SH2D4A: variants seen among roughly 807,000 people sequenced by gnomAD.
The protein encoded by SH2D4A is SH2 domain containing 4A.
A neutral mutation model predicts 64.7 loss-of-function variants in SH2D4A; 70 were observed. The ratio of observed to expected loss-of-function variants is 1.08; its 90% CI spans 0.89 to 1.32. The LOEUF (loss-of-function observed/expected upper bound fraction) is 1.32, where lower values mean the gene tolerates loss of function less well. Ranked by LOEUF, SH2D4A falls within the 40% of genes most tolerant of loss-of-function variation. The pLI is 0.00. For synonymous variants in SH2D4A, 268 were observed against 200.7 expected (o/e 1.34, Z -2.83); for missense variants, 706 against 540.1 (o/e 1.31, Z -3.04).
In SH2D4A at chr8:19,357,274, A is replaced by G. The variant is rs766214482; in HGVS notation, c.585A>G (p.Ala195=). 3 of 1,612,860 alleles carry G rather than the reference A, an allele frequency of 1.9e-6. No homozygotes were observed. The highest frequency in any genetic ancestry group is 2.2e-5 in the South Asian group (2 of 91,042). ...ADSINRMKAY[A]FHQKKESMKK... ...CAATCAATCGTATGAAGGCATATGC[A>G]TTTCACCAGGTAAAAGACTTCCCTT... The change falls in exon 5 of 10, where the codon GCA becomes GCG. Residue 195 remains alanine (A), a synonymous_variant. Coordinates refer to ENST00000265807, the MANE Select transcript of SH2D4A (RefSeq NM_022071.4).
At chr8:19,334,306 A>G (rs746165880) in intron 3 of SH2D4A, among the ~76,000 whole-genome samples, 16 of 152,180 alleles carry the variant, frequency 1.1e-4, no homozygotes, top group Non-Finnish European at 1.0e-4. Context: ...AAAACTATCC[A>G]TGGACATATG....
intron 3 of SH2D4A, among the ~76,000 whole-genome samples, chr8:19,333,352 C>T (rs947464544): frequency 4.6e-5 from 7 of 152,174 alleles, no homozygotes; most frequent in Non-Finnish European, 8.8e-5. Context: ...CACTAAAGAC[C>T]TCATGAAAAT....
At chr8:19,389,601 C>G (rs2053452146) in intron 8 of SH2D4A, among the ~76,000 whole-genome samples, 1 of 152,166 alleles carries the variant, frequency 6.6e-6, no homozygotes, top group African/African-American at 2.4e-5. Context: ...GCAGTGACAT[C>G]TACTTTCTTG....
intron 8 of SH2D4A, among the ~76,000 whole-genome samples, chr8:19,384,030 TAAGTTC>T (rs1257654688): frequency 6.6e-6 from 1 of 152,254 alleles, no homozygotes. Flanking sequence ...TTGTGCAGTT[TAAGTTC>T]ATCTCTCCTG....
At chr8:19,321,428 G>T (rs58342073) in intron 2 of SH2D4A, among the ~76,000 whole-genome samples, 20,487 of 152,136 alleles carry the variant, frequency 0.13, 1,576 homozygotes, top group East Asian at 0.26. Context: ...TGGCCAGGCT[G>T]GTCTTGAACC....
chr8:19,313,935 A>T, intron 1 of SH2D4A, 112 bp downstream of exon 1: 2 of 1,283,062 alleles, frequency 1.6e-6, no homozygotes, highest in Non-Finnish European at 9.8e-7. Flanking sequence ...CAGGGGCCAG[A>T]GCGGGCGGGC....
chr8:19,367,827 G>A (rs2053024978), intron 7 of SH2D4A, among the ~76,000 whole-genome samples: 1 of 152,114 alleles, frequency 6.6e-6, no homozygotes, highest in Non-Finnish European at 1.5e-5. Flanking sequence ...TATAATCCCA[G>A]CACTTTGGGA....
rs2053583898 is a variant in SH2D4A, at chr8:19,395,995, G to C, written c.*1353G>C. The C allele has an allele frequency of 6.6e-6, 1 of 152,086 alleles. No individual in the cohort carries two copies. Among genetic ancestry groups the C allele is most frequent in the Non-Finnish European group, 1.5e-5 (1 of 68,044 alleles). 9.4% of individuals were successfully genotyped at this position (152,086 alleles called of 1,614,324 possible). A position where few individuals can be genotyped will look rare whatever the true frequency, so the allele number is the denominator to read the frequency against. ...TTCCAGCCAGTTCTGTTTAGCCCTG[G>C]CACACATATTTGTCCCGTCAGGAAT... On this transcript the variant is annotated 3_prime_UTR_variant, in exon 10 of 10. Transcript: ENST00000265807.
Position 19,393,502 on chromosome 8 carries a change from A to G in SH2D4A, c.1233A>G (p.Leu411=). 5.0e-6 allele frequency: 8 copies of G among 1,614,242 alleles called. No individual in the cohort carries two copies. The highest frequency in any genetic ancestry group is 6.8e-6 in the Non-Finnish European group (8 of 1,180,042). ...ACAGCTTCCTGGGCGTGGACCAGCT[A>G]CAGCATGCCACCTTGGCGGATTTGG... The part of the protein sequence containing the change: ...DAYSFLGVDQ[L]QHATLADLVE... The change falls in exon 9 of 10, where the codon CTA becomes CTG. Residue 411 remains leucine (L), a synonymous_variant. Coordinates refer to ENST00000265807, the MANE Select transcript of SH2D4A (RefSeq NM_022071.4).
At chr8:19,382,811 G>C (rs1050835506) in intron 8 of SH2D4A, among the ~76,000 whole-genome samples, 11 of 127,494 alleles carry the variant, frequency 8.6e-5, no homozygotes, top group Non-Finnish European at 1.9e-4. Context: ...CTCTCTTGCT[G>C]CTTTTAAGAT....
chr8:19,382,706 C>T (rs1463305465), intron 8 of SH2D4A, among the ~76,000 whole-genome samples: 3 of 152,010 alleles, frequency 2.0e-5, no homozygotes, highest in East Asian at 3.8e-4. Context: ...CTTTATTGGC[C>T]CACTGCTGTC....
At position 19,332,399 on chromosome 8, in the gene SH2D4A, G is replaced by A. The variant is rs4075192; in HGVS notation, c.182-556G>A. ...ACCTGTAATCCCAGCACTTTGGCAG[G>A]CTGAGGTGGGTGGATCACGAGGTCA... On this transcript the variant is annotated intron_variant, in intron 2 of 9. Transcript: ENST00000265807. Among the ~76,000 whole-genome samples the A allele has an allele frequency of 5.9e-5, 9 of 151,976 alleles. No individual in the cohort carries two copies. The South Asian group carries it at 6.2e-4, about 11-fold the overall frequency.
chr8:19,385,571 C>A (rs1279417916), intron 8 of SH2D4A, among the ~76,000 whole-genome samples: 1 of 152,154 alleles, frequency 6.6e-6, no homozygotes, highest in Non-Finnish European at 1.5e-5. Flanking sequence ...TCACTCTGAA[C>A]CTCTTGGAGG....
At chr8:19,361,131 C>A in intron 5 of SH2D4A, 72 bp from the exon 6 acceptor site, 1 of 824,170 alleles carries the variant, frequency 1.2e-6, no homozygotes, top group South Asian at 1.8e-5. Context: ...CAGGAAACTG[C>A]TGGATTTGCT....
At chr8:19,361,984 CT>C (rs2153648352) in intron 6 of SH2D4A, among the ~76,000 whole-genome samples, 1 of 152,302 alleles carries the variant, frequency 6.6e-6, no homozygotes, top group Admixed American at 6.5e-5. Context: ...GCCCATGCAA[CT>C]GAAGGCAGAG....
At chr8:19,326,738 T>C (rs1404896007) in intron 2 of SH2D4A, among the ~76,000 whole-genome samples, 1 of 152,142 alleles carries the variant, frequency 6.6e-6, no homozygotes, top group Non-Finnish European at 1.5e-5. Context: ...TCTTTTACTG[T>C]GATTGCCCAT....
intron 8 of SH2D4A, among the ~76,000 whole-genome samples, chr8:19,386,316 C>G (rs2053390648): frequency 6.6e-6 from 1 of 152,230 alleles, no homozygotes; most frequent in African/African-American, 2.4e-5. Context: ...GAAGAGCTAG[C>G]TTTTCTGCAG....
At chr8:19,358,277 A>G (rs1298632224) in intron 5 of SH2D4A, among the ~76,000 whole-genome samples, 1 of 152,224 alleles carries the variant, frequency 6.6e-6, no homozygotes, top group Non-Finnish European at 1.5e-5. Context: ...TATGGGAGTT[A>G]GAGACACATT....
At position 19,327,179 on chromosome 8, in the gene SH2D4A, G is replaced by A. The variant is rs533333796; in HGVS notation, c.182-5776G>A. 8.5e-5 allele frequency among the ~76,000 whole-genome samples: 13 copies of A among 152,226 alleles called. 1 individual carries two copies. In the South Asian group the frequency reaches 2.7e-3, roughly 32 times the overall value. On this transcript the variant is annotated intron_variant, in intron 2 of 9. Transcript: ENST00000265807. ...CTGACCCGCCTTTCTAGAAAAGTTG[G>A]TTTTAGAAAAACACTTCAAGAAACC...
Sources: gnomAD v4.1 joint callset for allele counts (sites outside exome capture counted in the v4.1 genomes callset) on GRCh38, gnomAD v4.1.1 for gene constraint, MANE v1.5 for transcripts, NCBI Gene and HGNC (gene_info 2026-07-23, HGNC 2026-07-21) for gene names.